WDFY3: variants seen among roughly 807,000 people sequenced by gnomAD.
WDFY3 encodes WD repeat and FYVE domain-containing protein 3.
A neutral mutation model predicts 409.6 loss-of-function variants in WDFY3; 66 were observed. The observed-to-expected ratio is 0.16, with a 90% CI of 0.13 to 0.20. WDFY3 has a LOEUF of 0.20. WDFY3 is among the 10% of genes least tolerant of loss of function. The probability of loss-of-function intolerance (pLI) is 1.00; values close to 1 mark genes in which losing one functional copy is unlikely to be tolerated. For synonymous variants in WDFY3, 1,521 were observed against 1,537.1 expected, an observed-to-expected ratio of 0.99 and a Z score of 0.25; for missense variants, 3,031 against 4,298.1, an observed-to-expected ratio of 0.71 and a Z score of 8.24.
chr4:84,870,372 G>T (rs1761980260), intron 3 of WDFY3, among the ~76,000 whole-genome samples: 1 of 152,134 alleles, frequency 6.6e-6, no homozygotes, highest in Non-Finnish European at 1.5e-5. Flanking sequence ...AGTCACAGGT[G>T]AAATCAGCCT....
rs749004387 is a variant in WDFY3 at position 84,677,400 on chromosome 4, C to T, written c.10260-4G>A. The T allele has an allele frequency of 3.0e-5, 48 of 1,602,988 alleles. 1 individual carries two copies. In the South Asian group the frequency reaches 4.2e-4, roughly 14 times the overall value. On this transcript the variant is annotated splice_region_variant and splice_polypyrimidine_tract_variant and intron_variant, in intron 66 of 67. Transcript: ENST00000295888. Reference sequence around the variant, plus strand: ...AACGAGGATCCTACTGTGATCCCTGCAGGAGACACGACAGAGGAGGTCACT... The same window carrying T: ...AACGAGGATCCTACTGTGATCCCTGTAGGAGACACGACAGAGGAGGTCACT...
intron 5 of WDFY3, among the ~76,000 whole-genome samples, chr4:84,847,700 G>A (rs1245504418): frequency 1.4e-5 from 2 of 147,108 alleles, no homozygotes; most frequent in Non-Finnish European, 3.0e-5. Context: ...ATTGAACCCA[G>A]GAGGCAGAGG....
chr4:84,782,908 T>C (rs1746817826), intron 25 of WDFY3, 55 bp downstream of exon 25: 2 of 1,562,576 alleles, frequency 1.3e-6, no homozygotes, highest in African/African-American at 1.4e-5. Flanking sequence ...GGAAAGTGAA[T>C]GCAAACTTGA....
At chr4:84,955,147 G>A (rs1774081296) in intron 1 of WDFY3, among the ~76,000 whole-genome samples, 1 of 151,396 alleles carries the variant, frequency 6.6e-6, no homozygotes, top group African/African-American at 2.4e-5. Flanking sequence ...AGGTTGCAGT[G>A]AGCTGAGATT....
At chr4:84,737,479 T>C in intron 40 of WDFY3, 113 bp from the exon 41 acceptor site, 1 of 1,246,506 alleles carries the variant, frequency 8.0e-7, no homozygotes, top group Non-Finnish European at 1.0e-6. Flanking sequence ...ACTACAGTAT[T>C]TAATGTAAAA....
At chr4:84,703,942 G>A (rs1731499689) in intron 55 of WDFY3, among the ~76,000 whole-genome samples, 1 of 152,178 alleles carries the variant, frequency 6.6e-6, no homozygotes, top group Non-Finnish European at 1.5e-5. Flanking sequence ...ACCTGGAACA[G>A]TGCCTGGCAC....
intron 8 of WDFY3, among the ~76,000 whole-genome samples, chr4:84,829,943 C>T (rs1755456181): frequency 6.6e-6 from 1 of 151,782 alleles, no homozygotes; most frequent in Non-Finnish European, 1.5e-5. Flanking sequence ...GTTTAAAACA[C>T]AGTTATATCT....
Position 84,678,997 on chromosome 4 carries a change from T to G in WDFY3, c.10069A>C (p.Arg3357=). The G allele has an allele frequency of 2.5e-6, 4 of 1,614,218 alleles. No individual in the cohort carries two copies. Among genetic ancestry groups the G allele is most frequent in the Non-Finnish European group, 3.4e-6 (4 of 1,180,036 alleles). ...IFVNYSEGQT[R]AHLQGPLSHP... is the part of the protein sequence containing the mutation. Reference sequence around the variant, plus strand: ...CTAAGGGGGCCCTGCAGATGGGCTCTGGTCTGGCCCTCTGAATAGTTCACA... The same window carrying G: ...CTAAGGGGGCCCTGCAGATGGGCTCGGGTCTGGCCCTCTGAATAGTTCACA... The change falls in exon 65 of 68, where the codon AGA becomes CGA. Residue 3357 remains arginine (R), a synonymous_variant. Coordinates refer to ENST00000295888, the MANE Select transcript of WDFY3 (RefSeq NM_014991.6).
At chr4:84,876,811 GA>G (rs201022310) in intron 3 of WDFY3, among the ~76,000 whole-genome samples, 10,142 of 152,122 alleles carry the variant, frequency 0.067, 461 homozygotes, top group Admixed American at 0.12. Context: ...ATTACAACAT[GA>G]AAAAATGTTT....
At chr4:84,748,945 G>A (rs1479066418) in intron 36 of WDFY3, among the ~76,000 whole-genome samples, 1 of 151,382 alleles carries the variant, frequency 6.6e-6, no homozygotes, top group Non-Finnish European at 1.5e-5. Flanking sequence ...GCATTGGAAT[G>A]CAGTGGTGTA....
chr4:84,797,304 A>G (rs1321718774), intron 18 of WDFY3, among the ~76,000 whole-genome samples: 1 of 152,116 alleles, frequency 6.6e-6, no homozygotes, highest in Non-Finnish European at 1.5e-5. Context: ...AGATTCCCAT[A>G]TTTATAAAAA....
chr4:84,758,256 ATTCTTTAAG>A (rs1404929381), intron 32 of WDFY3, among the ~76,000 whole-genome samples: 3 of 152,008 alleles, frequency 2.0e-5, no homozygotes, highest in Admixed American at 1.3e-4. Context: ...TTTATTATTT[ATTCTTTAAG>A]ATCTGAGGGT....
intron 2 of WDFY3, among the ~76,000 whole-genome samples, chr4:84,919,683 T>C (rs1382341862): frequency 1.3e-5 from 2 of 152,170 alleles, no homozygotes; most frequent in African/African-American, 4.8e-5. Context: ...TGCTCGGCAC[T>C]TCTCTCTCCT....
chr4:84,793,268 G>A lies in WDFY3; in HGVS notation c.3487+1251C>T, dbSNP rs116510262. 8.8e-3 allele frequency among the ~76,000 whole-genome samples: 1,336 copies of A among 152,218 alleles called. 16 individuals carry two copies. The highest frequency in any genetic ancestry group is 0.031 in the African/African-American group (1,274 of 41,534). On this transcript the variant is annotated intron_variant, in intron 21 of 67. Transcript: ENST00000295888. ...GCTCACTGTAACCTCAAACTCATGG[G>A]CTTCACCAATCCTACACCACCTCAG...
intron 51 of WDFY3, among the ~76,000 whole-genome samples, chr4:84,709,885 C>T (rs965938029): frequency 6.6e-6 from 1 of 152,258 alleles, no homozygotes; most frequent in African/African-American, 2.4e-5. Context: ...CGCCACCACG[C>T]CCAGCTAATT....
intron 62 of WDFY3, 70 bp downstream of exon 62, chr4:84,688,016 C>T: frequency 1.3e-6 from 2 of 1,507,872 alleles, no homozygotes; most frequent in Non-Finnish European, 1.8e-6. Flanking sequence ...CCCTGAGCCC[C>T]ACCATTTTTA....
In WDFY3 at chr4:84,774,572, T is replaced by C. The variant is rs180869584; in HGVS notation, c.4754+248A>G. ...ATACTTTATATCCAGGCCAATTTCA[T>C]TGGGCTAATTCCTACATCTTTTCTC... On this transcript the variant is annotated intron_variant, in intron 29 of 67. Transcript: ENST00000295888. 1.3e-4 allele frequency among the ~76,000 whole-genome samples: 20 copies of C among 152,348 alleles called. No individual in the cohort carries two copies. The East Asian group carries it at 1.3e-3, about 10-fold the overall frequency.
intron 45 of WDFY3, among the ~76,000 whole-genome samples, chr4:84,726,249 A>G (rs1299061339): frequency 6.6e-6 from 1 of 152,154 alleles, no homozygotes; most frequent in Non-Finnish European, 1.5e-5. Flanking sequence ...ATTGACCTAA[A>G]AGAATTTTTT....
chr4:84,696,403 A>T (rs1435027950), intron 57 of WDFY3, among the ~76,000 whole-genome samples: 1 of 152,200 alleles, frequency 6.6e-6, no homozygotes, highest in Non-Finnish European at 1.5e-5. Context: ...TGAGAGACAG[A>T]GATCACATTC....
Sources: allele counts gnomAD v4.1 joint callset (sites outside exome capture counted in the v4.1 genomes callset), GRCh38; gene constraint gnomAD v4.1.1; transcripts MANE v1.5; gene names NCBI Gene and HGNC (gene_info 2026-07-23, HGNC 2026-07-21).